The following B3GLCT variants were observed in gnomAD, a reference collection of about 807,000 sequenced individuals.
B3GLCT encodes beta-1,3-glucosyltransferase.
B3GLCT carries 65 observed loss-of-function variants against 63.4 expected under a neutral mutation model. That is an observed-to-expected ratio of 1.03 (90% CI 0.84 to 1.26). The LOEUF is 1.26. Among genes scored for constraint, B3GLCT ranks in the 50% most tolerant of loss-of-function variants. The probability of loss-of-function intolerance (pLI) is 0.00; values close to 1 mark genes in which losing one functional copy is unlikely to be tolerated. For missense variants in B3GLCT, 577 were observed against 604.8 expected (o/e 0.95, Z 0.48); for synonymous variants, 233 against 219.2 (o/e 1.06, Z -0.55).
At chr13:31,218,170 T>C (rs1686978312) in intron 2 of B3GLCT, among the ~76,000 whole-genome samples, 2 of 151,682 alleles carry the variant, frequency 1.3e-5, no homozygotes. Context: ...CTAGGTGTTT[T>C]ATTCTTTTTG....
intron 8 of B3GLCT, among the ~76,000 whole-genome samples, chr13:31,271,851 C>CT (rs1872586501): frequency 6.6e-6 from 1 of 152,150 alleles, no homozygotes; most frequent in Admixed American, 6.5e-5. Context: ...TTTTTATACT[C>CT]TAAGGCTATG....
chr13:31,315,496 C>G (rs1412614966), intron 12 of B3GLCT, among the ~76,000 whole-genome samples: 1 of 152,134 alleles, frequency 6.6e-6, no homozygotes, highest in African/African-American at 2.4e-5. Flanking sequence ...TTCTAAGGAG[C>G]AAAGCATTCA....
At chr13:31,319,549 G>A (rs191341060) in intron 13 of B3GLCT, among the ~76,000 whole-genome samples, 17 of 152,264 alleles carry the variant, frequency 1.1e-4, no homozygotes, top group South Asian at 2.1e-4. Context: ...TTTCCAGAGC[G>A]CCATCCTATC....
At chr13:31,309,286 A>G (rs1874573535) in intron 12 of B3GLCT, among the ~76,000 whole-genome samples, 1 of 152,222 alleles carries the variant, frequency 6.6e-6, no homozygotes, top group African/African-American at 2.4e-5. Context: ...CTTATACCAC[A>G]ACAATCAATG....
At position 31,247,101 on chromosome 13, in the gene B3GLCT, T is replaced by TA; in HGVS notation, c.347+3dup. On this transcript the variant is annotated splice_region_variant and intron_variant, in intron 5 of 14. Coordinates refer to ENST00000343307, the MANE Select transcript of B3GLCT (RefSeq NM_194318.4). Reference sequence around the variant, plus strand: ...GACCATACTTCCGTTGTTACCGCAGTACGTTTGTTTAACTCACCTGTGAAT... The same window carrying TA: ...GACCATACTTCCGTTGTTACCGCAGTAACGTTTGTTTAACTCACCTGTGAAT... 6.2e-7 allele frequency: 1 copy of TA among 1,610,804 alleles called. No individual in the cohort carries two copies. The highest frequency in any genetic ancestry group is 1.1e-5 in the South Asian group (1 of 90,996).
At chr13:31,213,621 A>ACCCCCCCCCCCCCCCCC (rs71099943) in intron 1 of B3GLCT, among the ~76,000 whole-genome samples, 1 of 55,046 alleles carries the variant, frequency 1.8e-5, no homozygotes, top group Non-Finnish European at 3.2e-5. Flanking sequence ...CCCCCACCCC[A>ACCCCCCCCCCCCCCCCC]CCCCCCCCCC....
intron 4 of B3GLCT, among the ~76,000 whole-genome samples, chr13:31,234,404 G>C (rs1262459008): frequency 6.6e-6 from 1 of 152,168 alleles, no homozygotes; most frequent in Non-Finnish European, 1.5e-5. Flanking sequence ...ATGGTGAAGT[G>C]GGGCAGGGGA....
chr13:31,235,076 A>G (rs889571272), intron 4 of B3GLCT, among the ~76,000 whole-genome samples: 1 of 152,016 alleles, frequency 6.6e-6, no homozygotes, highest in Non-Finnish European at 1.5e-5. Context: ...GGACAGGGCC[A>G]TGGATCTGGC....
At chr13:31,202,445 T>C (rs1406222424) in intron 1 of B3GLCT, among the ~76,000 whole-genome samples, 1 of 152,196 alleles carries the variant, frequency 6.6e-6, no homozygotes, top group Non-Finnish European at 1.5e-5. Flanking sequence ...TACTAGCACT[T>C]TGCCACCTCT....
intron 2 of B3GLCT, among the ~76,000 whole-genome samples, chr13:31,217,706 C>G (rs1233505463): frequency 6.6e-6 from 1 of 152,154 alleles, no homozygotes; most frequent in Non-Finnish European, 1.5e-5. Context: ...AGTCCTTTCC[C>G]CATTGCTTGT....
intron 13 of B3GLCT, among the ~76,000 whole-genome samples, chr13:31,321,838 A>AT (rs11296626): frequency 2.6e-5 from 4 of 151,614 alleles, no homozygotes; most frequent in African/African-American, 9.7e-5. Context: ...TTGAATGACC[A>AT]TTTTTTTTTT....
At position 31,329,708 on chromosome 13, in the gene B3GLCT, A is replaced by C. The variant is rs906926740; in HGVS notation, c.*40A>C. 1.2e-6 allele frequency: 2 copies of C among 1,607,376 alleles called. No homozygotes were observed. The highest frequency in any genetic ancestry group is 2.7e-5 in the African/African-American group (2 of 74,872). On this transcript the variant is annotated 3_prime_UTR_variant, in exon 15 of 15. Transcript: ENST00000343307. ...TGCGCCTAGCCTGCGCAGGGAATGA[A>C]CTGGAGACTGTGGCCTCATCCCACT... is the stretch of plus-strand genomic sequence containing the variant.
intron 1 of B3GLCT, among the ~76,000 whole-genome samples, chr13:31,204,839 G>C (rs1457811135): frequency 6.6e-6 from 1 of 152,104 alleles, no homozygotes; most frequent in Non-Finnish European, 1.5e-5. Flanking sequence ...TGGGAGAAAG[G>C]GTGGGGGAAA....
intron 1 of B3GLCT, among the ~76,000 whole-genome samples, chr13:31,211,399 CA>C (rs1383955845): frequency 6.6e-6 from 1 of 151,694 alleles, no homozygotes; most frequent in African/African-American, 2.4e-5. Context: ...TGTCTCAAAA[CA>C]AAACAAAAAA....
chr13:31,298,474 T>C (rs1874066120), intron 12 of B3GLCT, among the ~76,000 whole-genome samples: 1 of 152,188 alleles, frequency 6.6e-6, no homozygotes, highest in African/African-American at 2.4e-5. Flanking sequence ...GGCAAACAAA[T>C]AGCTTTACCT....
chr13:31,269,504 A>G (rs550367136), intron 8 of B3GLCT, among the ~76,000 whole-genome samples: 1 of 152,288 alleles, frequency 6.6e-6, no homozygotes, highest in African/African-American at 2.4e-5. Context: ...GTGATTCATG[A>G]TTCTTTACTT....
intron 10 of B3GLCT, among the ~76,000 whole-genome samples, chr13:31,279,658 G>C (rs1872965998): frequency 6.6e-6 from 1 of 152,182 alleles, no homozygotes; most frequent in African/African-American, 2.4e-5. Flanking sequence ...TGCTAATGAA[G>C]TTTCAGGCAC....
rs1870400917 is a variant in B3GLCT at position 31,231,929 on chromosome 13, A to G, written c.270+2635A>G. On this transcript the variant is annotated intron_variant, in intron 4 of 14. Transcript: ENST00000343307. ...TCTAGGCTCTGGGGAGGATGGTTAG[A>G]GGTTCCTGTGTAAGCTGAACTTGGC... 2.0e-5 allele frequency among the ~76,000 whole-genome samples: 3 copies of G among 152,286 alleles called. No homozygotes were observed. The South Asian group carries it at 6.2e-4, about 32-fold the overall frequency.
intron 3 of B3GLCT, among the ~76,000 whole-genome samples, chr13:31,223,838 A>G (rs558777881): frequency 9.3e-4 from 141 of 152,286 alleles, no homozygotes; most frequent in African/African-American, 3.3e-3. Context: ...TATGCGGTCC[A>G]TGGGAGAAGT....
Sources: allele counts gnomAD v4.1 joint callset (sites outside exome capture counted in the v4.1 genomes callset), GRCh38; gene constraint gnomAD v4.1.1; transcripts MANE v1.5; gene names NCBI Gene and HGNC (gene_info 2026-07-23, HGNC 2026-07-21).